Variants in TOPAZ1 observed in about 807,000 individuals in gnomAD.
The protein encoded by TOPAZ1 is testis and ovary specific TOPAZ 1.
In TOPAZ1, 66 loss-of-function variants were observed where a neutral mutation model predicts 172.2. That is an observed-to-expected ratio of 0.38 (90% CI 0.31 to 0.47). The LOEUF (loss-of-function observed/expected upper bound fraction) is 0.47. Among genes scored for constraint, TOPAZ1 ranks in the 20% least tolerant of loss-of-function variants. The pLI is 0.99. For missense variants in TOPAZ1, 1,822 were observed against 1,972.4 expected (o/e 0.92, Z 1.44); for synonymous variants, 681 against 683.9 (o/e 1.00, Z 0.07).
intron 19 of TOPAZ1, among the ~76,000 whole-genome samples, chr3:44,329,000 A>G (rs1214149292): frequency 6.6e-6 from 1 of 152,178 alleles, no homozygotes; most frequent in Non-Finnish European, 1.5e-5. Context: ...GGTATGCCAT[A>G]CGATTTCTTG....
At chr3:44,333,844 G>GAGGATGCAGA (rs757001972), downstream of TOPAZ1, among the ~76,000 whole-genome samples, 2 of 152,200 alleles carry the variant, frequency 1.3e-5, no homozygotes, top group Non-Finnish European at 2.9e-5. Context: ...AGATAGATAG[G>GAGGATGCAGA]AGGATGCAGA....
At chr3:44,275,046 T>G (rs1699938645) in intron 8 of TOPAZ1, among the ~76,000 whole-genome samples, 1 of 151,880 alleles carries the variant, frequency 6.6e-6, no homozygotes, top group African/African-American at 2.4e-5. Flanking sequence ...TACATAAAAT[T>G]TATTATTATA....
At chr3:44,318,177 G>T (rs1700470942) in intron 16 of TOPAZ1, among the ~76,000 whole-genome samples, 1 of 152,184 alleles carries the variant, frequency 6.6e-6, no homozygotes, top group South Asian at 2.1e-4. Context: ...GGCGGGCATG[G>T]TGGCTCACGC....
intron 2 of TOPAZ1, among the ~76,000 whole-genome samples, chr3:44,246,849 A>T (rs1191613819): frequency 6.6e-6 from 1 of 152,198 alleles, no homozygotes; most frequent in Non-Finnish European, 1.5e-5. Flanking sequence ...TAATGAATAG[A>T]AAAGGTTTGG....
At chr3:44,260,153 G>A (rs1234860316) in intron 4 of TOPAZ1, among the ~76,000 whole-genome samples, 15 of 152,110 alleles carry the variant, frequency 9.9e-5, no homozygotes, top group African/African-American at 2.4e-4. Flanking sequence ...CTCCCCAGCC[G>A]TGCTGAACTG....
intron 18 of TOPAZ1, 91 bp downstream of exon 18, chr3:44,323,386 G>A (rs370340247): frequency 3.9e-6 from 3 of 767,598 alleles, no homozygotes. Flanking sequence ...ATATTTATAT[G>A]TATTAAAAGA....
At chr3:44,251,134 TGA>T (rs1213925323) in intron 2 of TOPAZ1, among the ~76,000 whole-genome samples, 3 of 152,024 alleles carry the variant, frequency 2.0e-5, no homozygotes, top group Non-Finnish European at 4.4e-5. Context: ...TTTTTTTCTT[TGA>T]GAGAGAAAGG....
chr3:44,332,128 C>A, downstream of TOPAZ1: 1 of 681,038 alleles, frequency 1.5e-6, no homozygotes, highest in Non-Finnish European at 2.4e-6. Flanking sequence ...TGACTTACAG[C>A]AAGTTAATAG....
At chr3:44,285,834 C>T (rs543845866) in intron 9 of TOPAZ1, among the ~76,000 whole-genome samples, 172 of 151,766 alleles carry the variant, frequency 1.1e-3, no homozygotes, top group African/African-American at 4.1e-3. Flanking sequence ...TCCCAAAGTG[C>T]TGGAATTACA....
intron 2 of TOPAZ1, among the ~76,000 whole-genome samples, chr3:44,250,354 A>G (rs192339234): frequency 2.0e-4 from 31 of 151,500 alleles, no homozygotes; most frequent in Non-Finnish European, 2.9e-4. Flanking sequence ...TTATTGTCCC[A>G]TTCCGCTGAG....
chr3:44,270,504 TTTAA>T (rs1189114143), intron 7 of TOPAZ1, among the ~76,000 whole-genome samples, 177 bp from the exon 8 acceptor site: 3 of 152,234 alleles, frequency 2.0e-5, no homozygotes, highest in Non-Finnish European at 4.4e-5. Context: ...GAAATGATTT[TTTAA>T]TTATTTTTGA....
intron 12 of TOPAZ1, among the ~76,000 whole-genome samples, chr3:44,293,548 TAAA>T (rs1700163118): frequency 6.6e-6 from 1 of 152,134 alleles, no homozygotes; most frequent in African/African-American, 2.4e-5. Flanking sequence ...AAGATAAAAA[TAAA>T]AATTTTCAAA....
chr3:44,249,974 A>G (rs10510742), intron 2 of TOPAZ1, among the ~76,000 whole-genome samples: 10,823 of 152,268 alleles, frequency 0.071, 524 homozygotes, highest in Middle Eastern at 0.12. Context: ...TCTCAAATCC[A>G]TAGGCAGCCA....
At chr3:44,266,736 A>C (rs1699834338) in intron 5 of TOPAZ1, among the ~76,000 whole-genome samples, 2 of 152,194 alleles carry the variant, frequency 1.3e-5, no homozygotes, top group Non-Finnish European at 2.9e-5. Context: ...ATAGAGCACC[A>C]TAACAGATAA....
chr3:44,324,418 T>C (rs1298370205), intron 18 of TOPAZ1, among the ~76,000 whole-genome samples: 1 of 151,980 alleles, frequency 6.6e-6, no homozygotes, highest in Non-Finnish European at 1.5e-5. Context: ...CACACACACA[T>C]ATATGTGTGT....
Position 44,262,444 on chromosome 3 carries a change from C to A in TOPAZ1, c.2981C>A (p.Thr994Asn). 1 of 1,489,316 alleles carries A rather than the reference C, an allele frequency of 6.7e-7. No individual in the cohort carries two copies. The highest frequency in any genetic ancestry group is 9.1e-7 in the Non-Finnish European group (1 of 1,095,418). The allele number at this position is 1,489,316 out of a possible 1,614,324, so 92.3% of individuals were successfully genotyped here. ...EKHRFTDKVI[T>N]KEEKENIYEV... Reference sequence around the variant, plus strand: ...CATAGATTTACAGACAAAGTGATTACCAAAGAAGAAAAAGAAAATATTTAT... The same window carrying A: ...CATAGATTTACAGACAAAGTGATTAACAAAGAAGAAAAAGAAAATATTTAT... The change falls in exon 5 of 20, where the codon ACC (threonine) becomes AAC (asparagine). Residue 994 changes from threonine (T) to asparagine (N), a missense_variant. Physicochemically the swap from Thr to Asn is moderately conservative, Grantham distance 65. This residue lies in a region of TOPAZ1 where 1,489 missense variants were observed against 1,490.8 expected (regional missense o/e 1.00). Coordinates refer to ENST00000309765, the MANE Select transcript of TOPAZ1 (RefSeq NM_001145030.2).
At chr3:44,287,191 G>A (rs75781889) in intron 9 of TOPAZ1, among the ~76,000 whole-genome samples, 198 bp from the exon 10 acceptor site, 15 of 152,104 alleles carry the variant, frequency 9.9e-5, no homozygotes, top group Non-Finnish European at 1.2e-4. Flanking sequence ...GAGCATGCTT[G>A]GTTGACTTCA....
intron 8 of TOPAZ1, 120 bp downstream of exon 8, chr3:44,270,930 C>A: frequency 2.2e-6 from 2 of 903,194 alleles, no homozygotes; most frequent in Non-Finnish European, 3.1e-6. Flanking sequence ...TGCTTTTGTT[C>A]TTTATATAAA....
intron 9 of TOPAZ1, among the ~76,000 whole-genome samples, chr3:44,284,537 T>C (rs1031087615): frequency 2.6e-5 from 4 of 152,206 alleles, no homozygotes. Flanking sequence ...ACGCTTGGGT[T>C]GTTTTCTCCT....
Sources: allele counts gnomAD v4.1 joint callset (sites outside exome capture counted in the v4.1 genomes callset), GRCh38; gene constraint gnomAD v4.1.1; regional missense constraint gnomAD v4.1.1; transcripts MANE v1.5; gene names NCBI Gene and HGNC (gene_info 2026-07-23, HGNC 2026-07-21).